The following TDRP variants were observed in gnomAD, a reference collection of about 807,000 sequenced individuals.
The protein encoded by TDRP is testis development related protein, also known as testis development-related protein.
A neutral mutation model predicts 10.5 loss-of-function variants in TDRP; 12 were observed. That is an observed-to-expected ratio of 1.15 (90% CI 0.73 to 1.86). The LOEUF (loss-of-function observed/expected upper bound fraction) is 1.86. Among genes scored for constraint, TDRP ranks in the 40% most tolerant of loss-of-function variants. TDRP has a pLI of 0.00. For synonymous variants in TDRP, 139 were observed against 95.4 expected (o/e 1.46, Z -2.67); for missense variants, 353 against 229.2 (o/e 1.54, Z -3.49).
chr8:521,904 T>C (rs1801915492), intron 1 of TDRP, among the ~76,000 whole-genome samples: 1 of 152,192 alleles, frequency 6.6e-6, no homozygotes. Context: ...CTTTCAGCAA[T>C]GTTTTATATT....
chr8:530,346 T>C (rs1046026789), intron 1 of TDRP, among the ~76,000 whole-genome samples: 15 of 152,346 alleles, frequency 9.8e-5, no homozygotes, highest in African/African-American at 3.6e-4. Flanking sequence ...TTATCTCTGT[T>C]TCTCTAGGGT....
intron 1 of TDRP, among the ~76,000 whole-genome samples, chr8:511,873 G>C (rs544187404): frequency 1.1e-4 from 16 of 152,182 alleles, no homozygotes; most frequent in African/African-American, 3.9e-4. Context: ...TGTAAACAAA[G>C]TGAAGACACA....
intron 1 of TDRP, among the ~76,000 whole-genome samples, chr8:499,706 T>C (rs7014579): frequency 0.84 from 128,564 of 152,234 alleles, 54,430 homozygotes; most frequent in Admixed American, 0.89. Flanking sequence ...AAACCAGATA[T>C]CTCGGTCTTC....
intron 1 of TDRP, among the ~76,000 whole-genome samples, chr8:507,021 G>A (rs1180813191): frequency 1.3e-5 from 2 of 152,168 alleles, no homozygotes; most frequent in Non-Finnish European, 1.5e-5. Context: ...TTAACAGGAA[G>A]CATGGCTGGG....
chr8:509,413 G>C (rs921696182), intron 1 of TDRP, among the ~76,000 whole-genome samples: 11 of 152,218 alleles, frequency 7.2e-5, no homozygotes, highest in African/African-American at 1.9e-4. Context: ...AATCTAGCCA[G>C]AGGTTCTCAA....
chr8:522,456 G>A (rs1358426324), intron 1 of TDRP, among the ~76,000 whole-genome samples: 1 of 152,176 alleles, frequency 6.6e-6, no homozygotes, highest in African/African-American at 2.4e-5. Context: ...GCATTGTGAA[G>A]ACTCTGTTTC....
chr8:505,185 C>T (rs1801423346), intron 1 of TDRP, among the ~76,000 whole-genome samples: 1 of 152,194 alleles, frequency 6.6e-6, no homozygotes, highest in African/African-American at 2.4e-5. Flanking sequence ...GACCCACAGA[C>T]CTAAAACAGC....
intron 1 of TDRP, among the ~76,000 whole-genome samples, chr8:501,782 G>A (rs1801309096): frequency 6.6e-6 from 1 of 152,226 alleles, no homozygotes; most frequent in Non-Finnish European, 1.5e-5. Flanking sequence ...GGGCCAGCAT[G>A]GGACTCAGTA....
rs115717719 is a variant in TDRP, at chr8:492,428, G to C, written c.529C>G (p.Leu177Val). ...TCCGCCTCCTCCGGGCTATCTGTCA[G>C]GTGGCCTTTACTCTGCCGTCGGATG... The part of the protein sequence containing the change: ...VSIRRQSKGH[L>V]TDSPEEAE Residue 177 changes from leucine (L) to valine (V), a missense_variant, in exon 3 of 3, where the codon CTG (leucine) becomes GTG (valine). Coordinates refer to ENST00000324079, the MANE Select transcript of TDRP (RefSeq NM_001384899.1). The C allele has an allele frequency of 1.0e-3, 1,622 of 1,573,890 alleles. 7 individuals are homozygous for C. The African/African-American group carries it at 0.02, about 19-fold the overall frequency.
intron 1 of TDRP, among the ~76,000 whole-genome samples, chr8:517,933 C>G (rs911278793): frequency 9.9e-5 from 15 of 152,076 alleles, no homozygotes; most frequent in African/African-American, 3.6e-4. Flanking sequence ...GTAAAAAGAT[C>G]CGTGGTTGCA....
chr8:511,739 G>A (rs1161029231), intron 1 of TDRP, among the ~76,000 whole-genome samples: 1 of 152,156 alleles, frequency 6.6e-6, no homozygotes, highest in African/African-American at 2.4e-5. Flanking sequence ...ACTATTCAAA[G>A]TCCTTTCTTT....
At chr8:509,900 A>C (rs1270486410) in intron 1 of TDRP, among the ~76,000 whole-genome samples, 1 of 152,208 alleles carries the variant, frequency 6.6e-6, no homozygotes, top group African/African-American at 2.4e-5. Flanking sequence ...CAAAATCACT[A>C]AGCTAAATGG....
intron 1 of TDRP, among the ~76,000 whole-genome samples, chr8:508,317 T>C (rs1467715150): frequency 6.6e-6 from 1 of 152,158 alleles, no homozygotes; most frequent in Admixed American, 6.5e-5. Context: ...ACAGATAATA[T>C]GTGTATTAGT....
chr8:522,279 C>T (rs190970850), intron 1 of TDRP, among the ~76,000 whole-genome samples: 76 of 152,232 alleles, frequency 5.0e-4, no homozygotes, highest in African/African-American at 1.8e-3. Context: ...GCCCCTTTGT[C>T]ATTATGGAAC....
chr8:530,396 T>C (rs1802158795), intron 1 of TDRP, among the ~76,000 whole-genome samples: 1 of 152,184 alleles, frequency 6.6e-6, no homozygotes, highest in Admixed American at 6.5e-5. Flanking sequence ...AATTGGGCCA[T>C]ATTTCTCTGT....
At chr8:521,675 A>AGTTTTT (rs1056359561) in intron 1 of TDRP, among the ~76,000 whole-genome samples, 1 of 152,098 alleles carries the variant, frequency 6.6e-6, no homozygotes, top group Non-Finnish European at 1.5e-5. Context: ...TGAGGCTTCC[A>AGTTTTT]GTTTTTGTTT....
Position 494,723 on chromosome 8 carries a change from C to G in TDRP, c.109-126G>C, listed in dbSNP as rs192275714. On this transcript the variant is annotated intron_variant, in intron 1 of 2. Transcript: ENST00000324079. ...TTGGCAGAGCTTACATCTTAGCTTT[C>G]CATACCTGTGCGCACATAGTTTACT... 4.1e-4 allele frequency: 318 copies of G among 775,598 alleles called. 1 individual carries two copies. In the African/African-American group the frequency reaches 4.8e-3, roughly 12 times the overall value. 48.0% of individuals were successfully genotyped at this position (775,598 alleles called of 1,614,324 possible).
At chr8:518,230 G>A (rs887976705) in intron 1 of TDRP, among the ~76,000 whole-genome samples, 7 of 152,170 alleles carry the variant, frequency 4.6e-5, no homozygotes, top group African/African-American at 1.7e-4. Context: ...GGGGCCAGGA[G>A]GCACCTAAGA....
intron 1 of TDRP, among the ~76,000 whole-genome samples, chr8:525,431 T>G (rs532970125): frequency 5.0e-4 from 76 of 152,322 alleles, no homozygotes; most frequent in African/African-American, 1.7e-3. Flanking sequence ...CACTGTATTA[T>G]ACTGTTAAAG....
Sources: gnomAD v4.1 joint callset for allele counts (sites outside exome capture counted in the v4.1 genomes callset) on GRCh38, gnomAD v4.1.1 for gene constraint, MANE v1.5 for transcripts, NCBI Gene and HGNC (gene_info 2026-07-23, HGNC 2026-07-21) for gene names.